The following ACO2 variants were observed in gnomAD, a reference collection of about 807,000 sequenced individuals.
ACO2 encodes aconitate hydratase, mitochondrial.
ACO2 carries 31 observed loss-of-function variants against 84.5 expected under a neutral mutation model. That is an observed-to-expected ratio of 0.37 (90% CI 0.28 to 0.50). The LOEUF is 0.50. Ranked by LOEUF, ACO2 falls within the 20% of genes least tolerant of loss-of-function variation. ACO2 has a pLI of 0.97. For missense variants in ACO2, 685 were observed against 1,029.3 expected (o/e 0.67, Z 4.58); for synonymous variants, 414 against 412.7 (o/e 1.00, Z -0.04).
chr22:41,528,660 G>C lies in ACO2; in HGVS notation c.*47G>C. On this transcript the variant is annotated 3_prime_UTR_variant, in exon 18 of 18. Transcript: ENST00000216254. ...CCGCTGGCGTCAAGTTCAGCTCCAC[G>C]TGTGCCATCAGTGGATCCGATCCGT... 1 of 1,602,148 alleles carries C rather than the reference G, an allele frequency of 6.2e-7. No individual in the cohort carries two copies. Among genetic ancestry groups the C allele is most frequent in the Non-Finnish European group, 8.5e-7 (1 of 1,176,382 alleles).
chr22:41,496,354 G>A (rs1452097969), intron 1 of ACO2, among the ~76,000 whole-genome samples: 1 of 152,124 alleles, frequency 6.6e-6, no homozygotes, highest in East Asian at 1.9e-4. Flanking sequence ...AGAACAACTT[G>A]TATGGTTTCT....
intron 1 of ACO2, among the ~76,000 whole-genome samples, chr22:41,493,603 C>T (rs2066290360): frequency 6.6e-6 from 1 of 152,252 alleles, no homozygotes; most frequent in Non-Finnish European, 1.5e-5. Context: ...AATTTATAAA[C>T]CTAAGCTGTT....
At chr22:41,524,719 C>G in intron 12 of ACO2, 127 bp from the exon 13 acceptor site, 3 of 1,448,726 alleles carry the variant, frequency 2.1e-6, no homozygotes, top group Middle Eastern at 4.2e-4. Context: ...CTGAGGAACA[C>G]AGGGGTCTGG....
At chr22:41,502,845 A>T (rs1184951272) in intron 2 of ACO2, among the ~76,000 whole-genome samples, 1 of 152,028 alleles carries the variant, frequency 6.6e-6, no homozygotes, top group African/African-American at 2.4e-5. Flanking sequence ...CCTGACCTCA[A>T]GTGATCCACC....
intron 1 of ACO2, among the ~76,000 whole-genome samples, chr22:41,486,534 G>A (rs1158303316): frequency 7.5e-4 from 106 of 142,050 alleles, no homozygotes; most frequent in African/African-American, 2.6e-3. Flanking sequence ...GCAGTGGCGC[G>A]ATCTCTGCTC....
intron 3 of ACO2, 80 bp from the exon 4 acceptor site, chr22:41,511,796 A>G: frequency 1.0e-6 from 1 of 978,250 alleles, no homozygotes; most frequent in Non-Finnish European, 1.5e-6. Context: ...AGGGAGGCTG[A>G]TGGGGTGGGG....
Position 41,469,393 on chromosome 22 carries a change from C to A in ACO2, c.36+211C>A. 6 of 503,464 alleles carry A rather than the reference C, an allele frequency of 1.2e-5. No individual in the cohort carries two copies. The South Asian group carries it at 1.9e-4, about 16-fold the overall frequency. The allele number at this position is 503,464 out of a possible 1,614,324, so 31.2% of individuals were successfully genotyped here. A position where few individuals can be genotyped will look rare whatever the true frequency, so the allele number is the denominator to read the frequency against. On this transcript the variant is annotated intron_variant, in intron 1 of 17. Transcript: ENST00000216254. ...GTCAGCTTTCCTGGCCCTGTCCCTGCCTCGCAAGAAGCGTGGGCCCAAGCA... is the reference window on the plus strand; with the variant it reads ...GTCAGCTTTCCTGGCCCTGTCCCTGACTCGCAAGAAGCGTGGGCCCAAGCA...
At chr22:41,477,870 G>A (rs1344648184) in intron 1 of ACO2, among the ~76,000 whole-genome samples, 1 of 152,014 alleles carries the variant, frequency 6.6e-6, no homozygotes, top group Non-Finnish European at 1.5e-5. Flanking sequence ...TTTGAGAACA[G>A]TGTGGCCAAT....
chr22:41,474,439 G>A (rs1366049772), intron 1 of ACO2, among the ~76,000 whole-genome samples: 8 of 149,406 alleles, frequency 5.4e-5, no homozygotes, highest in Admixed American at 4.0e-4. Flanking sequence ...GACTACAGGC[G>A]CCTGCCACCA....
Position 41,477,454 on chromosome 22 carries a change from C to T in ACO2, c.36+8272C>T, listed in dbSNP as rs187848768. Among the ~76,000 whole-genome samples, 231 of 152,024 alleles carry T rather than the reference C, an allele frequency of 1.5e-3. 3 individuals carry two copies. Among genetic ancestry groups the T allele is most frequent in the Non-Finnish European group, 3.8e-4 (26 of 67,974 alleles). On this transcript the variant is annotated intron_variant, in intron 1 of 17. Transcript: ENST00000216254. ...GATTACAGGCGTGAGCCACCGCACC[C>T]GACCTCTTTAGTTTTATTCTGCAGC...
At chr22:41,503,261 CTT>C (rs112159634) in intron 2 of ACO2, among the ~76,000 whole-genome samples, 1 of 146,232 alleles carries the variant, frequency 6.8e-6, no homozygotes, top group Non-Finnish European at 1.5e-5. Context: ...AAATTTTTTT[CTT>C]TTTTTTTTTA....
intron 14 of ACO2, 104 bp from the exon 15 acceptor site, chr22:41,526,158 C>T: frequency 2.9e-6 from 3 of 1,021,804 alleles, no homozygotes; most frequent in Non-Finnish European, 4.3e-6. Flanking sequence ...ACCCCTCTGT[C>T]ACCCCTCCTG....
At chr22:41,476,624 C>T (rs1485855210) in intron 1 of ACO2, among the ~76,000 whole-genome samples, 3 of 151,874 alleles carry the variant, frequency 2.0e-5, no homozygotes, top group Non-Finnish European at 4.4e-5. Context: ...GTACGAGAAT[C>T]GCTTGAACCT....
intron 3 of ACO2, among the ~76,000 whole-genome samples, chr22:41,509,271 T>A (rs940014273): frequency 4.6e-5 from 7 of 152,120 alleles, no homozygotes; most frequent in African/African-American, 1.7e-4. Flanking sequence ...AGATGCACAC[T>A]CATAGCATTC....
At chr22:41,475,430 C>T (rs371313939) in intron 1 of ACO2, among the ~76,000 whole-genome samples, 24 of 151,772 alleles carry the variant, frequency 1.6e-4, no homozygotes, top group African/African-American at 5.8e-4. Context: ...ATTATAGGCG[C>T]GAGCCACTGT....
intron 1 of ACO2, among the ~76,000 whole-genome samples, chr22:41,494,077 G>T (rs2066293954): frequency 6.6e-6 from 1 of 152,352 alleles, no homozygotes; most frequent in African/African-American, 2.4e-5. Context: ...GACAGCACTG[G>T]ATGTTGGGAA....
intron 3 of ACO2, among the ~76,000 whole-genome samples, chr22:41,511,075 G>A (rs891260636): frequency 3.3e-5 from 5 of 152,158 alleles, no homozygotes; most frequent in African/African-American, 7.2e-5. Context: ...GTGCGATCTC[G>A]GCTCATTGCA....
At chr22:41,473,619 C>T (rs2037971792) in intron 1 of ACO2, among the ~76,000 whole-genome samples, 1 of 152,004 alleles carries the variant, frequency 6.6e-6, no homozygotes, top group Non-Finnish European at 1.5e-5. Context: ...GGGGAAATTA[C>T]GTAGAAAAAT....
intron 11 of ACO2, among the ~76,000 whole-genome samples, 184 bp from the exon 12 acceptor site, chr22:41,523,646 G>A (rs974190488): frequency 1.3e-5 from 2 of 152,172 alleles, no homozygotes; most frequent in Non-Finnish European, 2.9e-5. Flanking sequence ...TGGGCCCAGT[G>A]ATCCTGAGGT....
Sources: gnomAD v4.1 joint callset for allele counts (sites outside exome capture counted in the v4.1 genomes callset) on GRCh38, gnomAD v4.1.1 for gene constraint, MANE v1.5 for transcripts, NCBI Gene and HGNC (gene_info 2026-07-23, HGNC 2026-07-21) for gene names.